Variants in NLRP8 observed in about 807,000 individuals in gnomAD.
The protein encoded by NLRP8 is NLR family pyrin domain containing 8.
NLRP8 carries 86 observed loss-of-function variants against 88.7 expected under a neutral mutation model. That is an observed-to-expected ratio of 0.97 (90% CI 0.81 to 1.16). The LOEUF is 1.16. NLRP8 is among the 50% of genes most tolerant of loss of function. The pLI, the probability that NLRP8 is intolerant of heterozygous loss-of-function variation, is 0.00. For synonymous variants in NLRP8, 504 were observed against 494.6 expected, an observed-to-expected ratio of 1.02 and a Z score of -0.25; for missense variants, 1,342 against 1,286.5, an observed-to-expected ratio of 1.04 and a Z score of -0.66.
chr19:55,965,704 G>T (rs568101921), intron 4 of NLRP8, among the ~76,000 whole-genome samples: 3 of 151,778 alleles, frequency 2.0e-5, no homozygotes, highest in Admixed American at 6.6e-5. Flanking sequence ...TGTGCAGAAC[G>T]TGCAGGTTTG....
intron 9 of NLRP8, among the ~76,000 whole-genome samples, chr19:55,981,832 T>G (rs902725947): frequency 6.6e-6 from 1 of 152,202 alleles, no homozygotes; most frequent in African/African-American, 2.4e-5. Flanking sequence ...CACAATGTTT[T>G]TTTTCCCCTT....
In NLRP8 at chr19:55,954,640, G is replaced by C. The variant is rs771030080; in HGVS notation, c.582G>C (p.Leu194=). The change falls in exon 3 of 10, where the codon CTG becomes CTC. Residue 194 remains leucine (L), a synonymous_variant. Transcript: ENST00000291971. ...AGGAGTACTTACCATGTCTGCTTCT[G>C]CCCAAAAGACCCCAGGGTAGACAGC... 1.2e-6 allele frequency: 2 copies of C among 1,614,080 alleles called. No individual in the cohort carries two copies. The highest frequency in any genetic ancestry group is 1.7e-6 in the Non-Finnish European group (2 of 1,180,040).
chr19:55,966,082 A>T, intron 4 of NLRP8, 131 bp from the exon 5 acceptor site: 2 of 704,120 alleles, frequency 2.8e-6, no homozygotes, highest in East Asian at 2.5e-5. Flanking sequence ...TCCTGAATTC[A>T]GTTGTAAACC....
intron 4 of NLRP8, among the ~76,000 whole-genome samples, chr19:55,963,108 G>C (rs1045243031): frequency 7.9e-5 from 12 of 152,030 alleles, no homozygotes; most frequent in Non-Finnish European, 1.2e-4. Context: ...CCCCCTCCAG[G>C]GTTCAAGCAA....
chr19:55,966,724 G>A (rs1979860925), intron 5 of NLRP8, among the ~76,000 whole-genome samples: 1 of 152,136 alleles, frequency 6.6e-6, no homozygotes, highest in Non-Finnish European at 1.5e-5. Context: ...GCTGAGGCAG[G>A]ATAATTGCTT....
intron 8 of NLRP8, among the ~76,000 whole-genome samples, chr19:55,977,134 T>C (rs1980378963): frequency 6.9e-6 from 1 of 145,736 alleles, no homozygotes; most frequent in South Asian, 2.1e-4. Flanking sequence ...ATACATAAGA[T>C]ACATATATAC....
chr19:55,975,120 C>T (rs1980251183), intron 7 of NLRP8, among the ~76,000 whole-genome samples: 1 of 152,190 alleles, frequency 6.6e-6, no homozygotes, highest in Admixed American at 6.5e-5. Context: ...TTTACTAGGA[C>T]ATCACCGAAC....
At chr19:55,977,221 A>ACG (rs1555757535) in intron 8 of NLRP8, among the ~76,000 whole-genome samples, 4 of 144,282 alleles carry the variant, frequency 2.8e-5, no homozygotes, top group Non-Finnish European at 6.0e-5. Flanking sequence ...ATACATATAT[A>ACG]TATATATGTA....
At position 55,987,865 on chromosome 19, in the gene NLRP8, AC is replaced by A. The variant is rs1980923922; in HGVS notation, c.3102del (p.Asp1035ThrfsTer26). On this transcript the variant is annotated frameshift_variant, in exon 10 of 10. Coordinates refer to ENST00000291971, the MANE Select transcript of NLRP8 (RefSeq NM_176811.2). LOFTEE classifies it high-confidence loss of function. The stretch of plus-strand genomic sequence containing the variant: ...CTAGCTTCTCCCCAACTCCTCACCC[AC>A]CCGACTTCACGGGAAAAAGTGACTG... 2 of 1,613,846 alleles carry A rather than the reference AC, an allele frequency of 1.2e-6. No homozygotes were observed. The highest frequency in any genetic ancestry group is 4.5e-5 in the East Asian group (2 of 44,858).
At position 55,947,934 on chromosome 19, in the gene NLRP8, C is replaced by T; in HGVS notation, c.32C>T (p.Pro11Leu). ...GACGTGAATCCACCCTCTGACACCC[C>T]CATTCCCTTTTCATCCTCCTCCACT... is the stretch of plus-strand genomic sequence containing the variant. Residue 11 changes from proline to leucine, a missense_variant, in exon 1 of 10, where the codon CCC becomes CTC. Physicochemically the swap from Pro to Leu is moderately conservative, Grantham distance 98. Transcript: ENST00000291971. 6 of 1,613,766 alleles carry T rather than the reference C, an allele frequency of 3.7e-6. No individual in the cohort carries two copies. Among genetic ancestry groups the T allele is most frequent in the Non-Finnish European group, 5.1e-6 (6 of 1,179,774 alleles).
At chr19:55,961,130 C>G (rs1979590803) in intron 3 of NLRP8, among the ~76,000 whole-genome samples, 1 of 152,076 alleles carries the variant, frequency 6.6e-6, no homozygotes, top group Admixed American at 6.6e-5. Context: ...GTCTCGAACT[C>G]CTGGCCTGGT....
chr19:55,987,427 A>C (rs1865729), intron 9 of NLRP8, among the ~76,000 whole-genome samples: 57,699 of 152,078 alleles, frequency 0.38, 11,190 homozygotes, highest in African/African-American at 0.41. Context: ...GGATTAGCTA[A>C]TGTCTGGTCT....
At chr19:55,952,296 T>C (rs886083709) in intron 1 of NLRP8, among the ~76,000 whole-genome samples, 21 of 152,306 alleles carry the variant, frequency 1.4e-4, no homozygotes, top group African/African-American at 5.0e-4. Flanking sequence ...TATCCATTTA[T>C]AACATGTTTT....
At chr19:55,982,178 A>C (rs1459748060) in intron 9 of NLRP8, among the ~76,000 whole-genome samples, 2 of 152,168 alleles carry the variant, frequency 1.3e-5, no homozygotes, top group African/African-American at 4.8e-5. Context: ...CTGGGATTAC[A>C]AGTGTGAGCC....
chr19:55,952,522 C>CT lies in NLRP8; in HGVS notation c.368-10dup, dbSNP rs1205100934. 1.9e-6 allele frequency: 3 copies of CT among 1,610,658 alleles called. No homozygotes were observed. The highest frequency in any genetic ancestry group is 2.7e-5 in the African/African-American group (2 of 74,822). On this transcript the variant is annotated splice_polypyrimidine_tract_variant and intron_variant, in intron 1 of 9. Coordinates refer to ENST00000291971, the MANE Select transcript of NLRP8 (RefSeq NM_176811.2). Reference sequence around the variant, plus strand: ...CTTATCATTCCCGTGGAACAGCCTCCTTTTTTCTGTTACAGCCATTCTGCC... The same window carrying CT: ...CTTATCATTCCCGTGGAACAGCCTCCTTTTTTTCTGTTACAGCCATTCTGCC...
chr19:55,987,080 T>TAC (rs1415173705), intron 9 of NLRP8, among the ~76,000 whole-genome samples: 2 of 152,186 alleles, frequency 1.3e-5, no homozygotes, highest in African/African-American at 2.4e-5. Flanking sequence ...TAAAATACTG[T>TAC]ACAGAGGGCT....
At position 55,962,063 on chromosome 19, in the gene NLRP8, G is replaced by T. The variant is rs201952970; in HGVS notation, c.2043-4G>T. The T allele has an allele frequency of 8.7e-6, 14 of 1,613,094 alleles. No homozygotes were observed. Among genetic ancestry groups the T allele is most frequent in the Non-Finnish European group, 1.0e-5 (12 of 1,179,646 alleles). ...GTGTTTTCTCTCTTCTCCCTTCCAT[G>T]TAGAGCGCCAGAGAGCAATGGGCTG... On this transcript the variant is annotated splice_polypyrimidine_tract_variant and splice_region_variant and intron_variant, in intron 3 of 9. Coordinates refer to ENST00000291971, the MANE Select transcript of NLRP8 (RefSeq NM_176811.2).
At chr19:55,951,859 C>T (rs967057966) in intron 1 of NLRP8, among the ~76,000 whole-genome samples, 3 of 152,174 alleles carry the variant, frequency 2.0e-5, no homozygotes, top group African/African-American at 7.2e-5. Flanking sequence ...AAGCAATCCT[C>T]CTGCCTCAGC....
At chr19:55,960,648 A>G (rs1306093563) in intron 3 of NLRP8, among the ~76,000 whole-genome samples, 5 of 152,174 alleles carry the variant, frequency 3.3e-5, no homozygotes, top group Non-Finnish European at 5.9e-5. Context: ...AGTTGATATC[A>G]TTCCTACTTA....
Sources: gnomAD v4.1 joint callset for allele counts (sites outside exome capture counted in the v4.1 genomes callset) on GRCh38, gnomAD v4.1.1 for gene constraint, MANE v1.5 for transcripts, NCBI Gene and HGNC (gene_info 2026-07-23, HGNC 2026-07-21) for gene names.